PIP4K2B: variants seen among roughly 807,000 people sequenced by gnomAD.
PIP4K2B encodes the protein phosphatidylinositol 5-phosphate 4-kinase type-2 beta.
Under a neutral mutation model 42.0 loss-of-function variants are expected in PIP4K2B, and 3 were observed. That is an observed-to-expected ratio of 0.07 (90% CI 0.03 to 0.18). PIP4K2B has a LOEUF of 0.18. Among genes scored for constraint, PIP4K2B ranks in the 10% least tolerant of loss-of-function variants. The pLI, the probability that PIP4K2B is intolerant of heterozygous loss-of-function variation, is 1.00. For synonymous variants in PIP4K2B, 204 were observed against 210.1 expected, an observed-to-expected ratio of 0.97 and a Z score of 0.25; for missense variants, 332 against 562.3, an observed-to-expected ratio of 0.59 and a Z score of 4.14.
chr17:38,781,533 TAG>T (rs1909714733), intron 3 of PIP4K2B, among the ~76,000 whole-genome samples: 1 of 152,114 alleles, frequency 6.6e-6, no homozygotes, highest in Non-Finnish European at 1.5e-5. Context: ...ATTATTTTTG[TAG>T]AGACAGGGTC....
intron 1 of PIP4K2B, among the ~76,000 whole-genome samples, chr17:38,788,146 T>A (rs1031228680): frequency 2.0e-5 from 3 of 152,124 alleles, no homozygotes; most frequent in Admixed American, 6.5e-5. Context: ...TTGTGTGGAC[T>A]TGTAACTCAT....
chr17:38,787,041 TTTTTG>T, intron 1 of PIP4K2B, 121 bp from the exon 2 acceptor site: 1 of 735,050 alleles, frequency 1.4e-6, no homozygotes, highest in East Asian at 2.5e-5. Context: ...TCTCTGTCTT[TTTTTG>T]TTTTTTTGAG....
At chr17:38,790,151 G>A (rs1910267492) in intron 1 of PIP4K2B, among the ~76,000 whole-genome samples, 1 of 152,068 alleles carries the variant, frequency 6.6e-6, no homozygotes, top group Non-Finnish European at 1.5e-5. Context: ...ATCAAGCTCT[G>A]TGATACCCTT....
chr17:38,785,859 C>T (rs1369921448), intron 2 of PIP4K2B, among the ~76,000 whole-genome samples: 1 of 152,162 alleles, frequency 6.6e-6, no homozygotes, highest in African/African-American at 2.4e-5. Flanking sequence ...ACTTCGAGAA[C>T]CCGGACCTCT....
intron 1 of PIP4K2B, among the ~76,000 whole-genome samples, chr17:38,794,496 TAA>T (rs567475860): frequency 2.5e-5 from 3 of 120,446 alleles, no homozygotes; most frequent in Non-Finnish European, 3.6e-5. Flanking sequence ...ACAATACAAT[TAA>T]AAAAAAAAAA....
intron 7 of PIP4K2B, among the ~76,000 whole-genome samples, chr17:38,775,349 C>T (rs1909277371): frequency 6.6e-6 from 1 of 152,114 alleles, no homozygotes; most frequent in African/African-American, 2.4e-5. Flanking sequence ...AACTCCTAGG[C>T]ACAAGGGATC....
intron 1 of PIP4K2B, among the ~76,000 whole-genome samples, chr17:38,795,467 C>A (rs1464633875): frequency 7.2e-5 from 11 of 152,042 alleles, no homozygotes; most frequent in African/African-American, 2.7e-4. Context: ...AGAAAATGTA[C>A]AGGCCAGGCA....
chr17:38,787,359 C>G (rs1910087513), intron 1 of PIP4K2B, among the ~76,000 whole-genome samples: 1 of 152,162 alleles, frequency 6.6e-6, no homozygotes, highest in Non-Finnish European at 1.5e-5. Flanking sequence ...AGTTCCCAAC[C>G]TTGTCCTATT....
At chr17:38,791,162 GAGA>G (rs1910319309) in intron 1 of PIP4K2B, among the ~76,000 whole-genome samples, 1 of 152,136 alleles carries the variant, frequency 6.6e-6, no homozygotes, top group Non-Finnish European at 1.5e-5. Context: ...CAGAGGCTCA[GAGA>G]AGGATGAGGC....
rs376197734 is a variant in PIP4K2B at position 38,786,899 on chromosome 17, G to A, written c.181C>T (p.Pro61Ser). Residue 61 changes from proline to serine, a missense_variant, in exon 2 of 10, where the codon CCT becomes TCT. This residue lies in a region of PIP4K2B where 186 missense variants were observed against 288.4 expected (regional missense o/e 0.64). Coordinates refer to ENST00000619039, the MANE Select transcript of PIP4K2B (RefSeq NM_003559.5). ...TCTGGCATTAGCATGACAGGAACAG[G>A]AACATTGCTCAGCTCATTGATCTGA... The part of the protein sequence containing the change: ...NHTINELSNV[P>S]VPVMLMPDDF... The A allele has an allele frequency of 2.3e-5, 37 of 1,612,782 alleles. No individual in the cohort carries two copies. Among genetic ancestry groups the A allele is most frequent in the Non-Finnish European group, 3.0e-5 (35 of 1,178,880 alleles).
chr17:38,788,032 G>A (rs757512820), intron 1 of PIP4K2B, among the ~76,000 whole-genome samples: 2 of 152,242 alleles, frequency 1.3e-5, no homozygotes, highest in Non-Finnish European at 2.9e-5. Flanking sequence ...ATAGATAAAT[G>A]TCTCCCAACC....
rs1908803590 is a variant in PIP4K2B, at chr17:38,768,169, C to T, written c.*1522G>A. On this transcript the variant is annotated 3_prime_UTR_variant, in exon 10 of 10. Transcript: ENST00000619039. ...CTTTGGGGTTATCTACAAGTCTGAC[C>T]ATATCTCATCCCAAATCCCCAGTTC... 6.6e-6 allele frequency: 1 copy of T among 152,262 alleles called. No homozygotes were observed. Among genetic ancestry groups the T allele is most frequent in the Admixed American group, 6.5e-5 (1 of 15,286 alleles). The allele number at this position is 152,262 out of a possible 1,614,324, so 9.4% of individuals were successfully genotyped here.
intron 7 of PIP4K2B, among the ~76,000 whole-genome samples, chr17:38,774,753 G>A (rs938092174): frequency 6.6e-6 from 1 of 151,702 alleles, no homozygotes; most frequent in Non-Finnish European, 1.5e-5. Flanking sequence ...CTGGGTGACA[G>A]AGCAAGACTC....
rs1909445086 is a variant in PIP4K2B, at chr17:38,777,754, C to T, written c.740G>A (p.Gly247Glu). ...TFKDNDFLNE[G>E]QKLHVGEESK... ...CTCCTCTCCCACATGCAGCTTCTGC[C>T]CTTCATTGAGGAAGTCATTGTCTTT... is the stretch of plus-strand genomic sequence containing the variant. The change falls in exon 7 of 10, where the codon GGG becomes GAG. Residue 247 changes from glycine to glutamate, a missense_variant. Gly to Glu is a moderately conservative substitution (Grantham distance 98). Transcript: ENST00000619039. 1 of 1,614,034 alleles carries T rather than the reference C, an allele frequency of 6.2e-7. No individual in the cohort carries two copies. Among genetic ancestry groups the T allele is most frequent in the Non-Finnish European group, 8.5e-7 (1 of 1,180,010 alleles).
chr17:38,792,373 G>A (rs1910388121), intron 1 of PIP4K2B, among the ~76,000 whole-genome samples: 1 of 152,046 alleles, frequency 6.6e-6, no homozygotes, highest in Admixed American at 6.6e-5. Context: ...CAAAGCCCTG[G>A]GCTCAAGCAA....
At chr17:38,777,542 C>A (rs1909430447) in intron 7 of PIP4K2B, 145 bp downstream of exon 7, 3 of 636,206 alleles carry the variant, frequency 4.7e-6, no homozygotes, top group African/African-American at 1.8e-5. Flanking sequence ...GCTTTAGGTG[C>A]CCATAAGTGC....
In PIP4K2B at chr17:38,799,382, G is replaced by A; in HGVS notation, c.43C>T (p.Pro15Ser). 1.2e-6 allele frequency: 2 copies of A among 1,606,038 alleles called. No individual in the cohort carries two copies. The highest frequency in any genetic ancestry group is 1.7e-6 in the Non-Finnish European group (2 of 1,177,624). The change falls in exon 1 of 10, where the codon CCG becomes TCG. Residue 15 changes from proline (P) to serine (S), a missense_variant. Pro to Ser is a moderately conservative substitution (Grantham distance 74, BLOSUM62 -1). Transcript: ENST00000619039. This position sits in a 1 kb window ranked among gnomAD's most constrained non-coding sequence, Gnocchi z 4.4. The stretch of plus-strand genomic sequence containing the variant: ...GTCTTGGTCTTGCTGGCGCTGAGCG[G>A]CGCCACCGCCACCGCCGTGGTGCTG... ...CTSTTAVAVA[P>S]LSASKTKTKK...
chr17:38,796,475 T>C (rs1160800820), intron 1 of PIP4K2B, among the ~76,000 whole-genome samples: 1 of 152,202 alleles, frequency 6.6e-6, no homozygotes, highest in African/African-American at 2.4e-5. Flanking sequence ...ATCTCTTCCC[T>C]AATTCCAAAC....
chr17:38,784,516 A>C (rs1909898857), intron 2 of PIP4K2B, among the ~76,000 whole-genome samples, 177 bp from the exon 3 acceptor site: 2 of 152,120 alleles, frequency 1.3e-5, no homozygotes, highest in Admixed American at 6.6e-5. Context: ...GATTACGGGC[A>C]TGAGCCACCA....
Sources: gnomAD v4.1 joint callset for allele counts (sites outside exome capture counted in the v4.1 genomes callset) on GRCh38, gnomAD v4.1.1 for gene constraint, gnomAD v4.1.1 regional missense constraint, Gnocchi (gnomAD v3.1) non-coding constraint, MANE v1.5 for transcripts, NCBI Gene and HGNC (gene_info 2026-07-23, HGNC 2026-07-21) for gene names.